The following CNTNAP2 variants were observed in gnomAD, a reference collection of about 807,000 sequenced individuals.
CNTNAP2 encodes the protein contactin-associated protein-like 2.
A neutral mutation model predicts 155.2 loss-of-function variants in CNTNAP2; 98 were observed. The observed-to-expected ratio is 0.63, with a 90% CI of 0.54 to 0.75. CNTNAP2 has a LOEUF of 0.75. CNTNAP2 is among the 30% of genes least tolerant of loss of function. The pLI is 0.00. For missense variants in CNTNAP2, 1,727 were observed against 1,688.1 expected (o/e 1.02, Z -0.40); for synonymous variants, 651 against 631.2 (o/e 1.03, Z -0.47).
intron 9 of CNTNAP2, among the ~76,000 whole-genome samples, chr7:147,318,968 G>A (rs987235214): frequency 2.6e-5 from 4 of 152,022 alleles, no homozygotes; most frequent in African/African-American, 7.2e-5. Flanking sequence ...ATAAGATAAA[G>A]GGAGGTGAAA....
intron 1 of CNTNAP2, among the ~76,000 whole-genome samples, chr7:146,204,406 A>G (rs1241773279): frequency 6.6e-6 from 1 of 152,118 alleles, no homozygotes; most frequent in Non-Finnish European, 1.5e-5. Flanking sequence ...TTTATTAGCT[A>G]TTCTCTGATA....
chr7:148,362,017 A>G (rs1798631250), intron 21 of CNTNAP2, among the ~76,000 whole-genome samples: 1 of 152,120 alleles, frequency 6.6e-6, no homozygotes, highest in Non-Finnish European at 1.5e-5. Context: ...AGACCAGCCT[A>G]GCCAATACAG....
intron 11 of CNTNAP2, among the ~76,000 whole-genome samples, chr7:147,530,395 G>C (rs886889426): frequency 6.6e-6 from 1 of 152,048 alleles, no homozygotes; most frequent in Non-Finnish European, 1.5e-5. Flanking sequence ...GGCCAGGCTG[G>C]TCTCGAACTT....
intron 9 of CNTNAP2, among the ~76,000 whole-genome samples, chr7:147,351,038 A>G (rs1795959320): frequency 6.6e-6 from 1 of 151,726 alleles, no homozygotes. Context: ...ACTTACTTAA[A>G]CCAATGCTTT....
At chr7:146,340,811 C>A (rs945305919) in intron 1 of CNTNAP2, among the ~76,000 whole-genome samples, 5 of 152,042 alleles carry the variant, frequency 3.3e-5, no homozygotes, top group African/African-American at 1.2e-4. Context: ...CAAATATTTG[C>A]TAAAATAAGA....
chr7:147,818,004 A>G lies in CNTNAP2; in HGVS notation c.2099-85561A>G, dbSNP rs1192020661. Among the ~76,000 whole-genome samples the G allele has an allele frequency of 3.3e-5, 5 of 151,986 alleles. No homozygotes were observed. The East Asian group carries it at 9.7e-4, about 29-fold the overall frequency. ...CTAAATGATGAGTTTATGGGGATTC[A>G]TTATATCATCTTTTCTGTATACAAT... On this transcript the variant is annotated intron_variant, in intron 13 of 23. Transcript: ENST00000361727.
chr7:147,770,257 A>G (rs1797449217), intron 13 of CNTNAP2, among the ~76,000 whole-genome samples: 1 of 152,230 alleles, frequency 6.6e-6, no homozygotes, highest in African/African-American at 2.4e-5. Context: ...TATAGTCTAC[A>G]CTACTATAGT....
At chr7:148,219,478 G>A (rs953880478) in intron 19 of CNTNAP2, among the ~76,000 whole-genome samples, 6 of 152,174 alleles carry the variant, frequency 3.9e-5, no homozygotes, top group Non-Finnish European at 8.8e-5. Context: ...AGGATTGCTT[G>A]AGACCAGTAG....
chr7:148,379,634 GC>G lies in CNTNAP2; in HGVS notation c.3476-4012del, dbSNP rs1401242699. The stretch of plus-strand genomic sequence containing the variant: ...AGGCTGAGGTGGGAGGATTGCTTGA[GC>G]CCGGGAGGTTGAGGCTGCAGTGAGC... On this transcript the variant is annotated intron_variant, in intron 21 of 23. Coordinates refer to ENST00000361727, the MANE Select transcript of CNTNAP2 (RefSeq NM_014141.6). 5.3e-5 allele frequency among the ~76,000 whole-genome samples: 8 copies of G among 152,204 alleles called. No homozygotes were observed. The East Asian group carries it at 1.5e-3, about 29-fold the overall frequency.
intron 21 of CNTNAP2, among the ~76,000 whole-genome samples, chr7:148,301,324 G>C (rs867021300): frequency 8.9e-6 from 1 of 112,380 alleles, no homozygotes; most frequent in Admixed American, 8.9e-5. Flanking sequence ...TATATATATA[G>C]GTTAAAATGT....
intron 1 of CNTNAP2, among the ~76,000 whole-genome samples, chr7:146,499,646 A>G (rs1000531718): frequency 1.3e-5 from 2 of 150,990 alleles, no homozygotes; most frequent in Admixed American, 6.6e-5. Flanking sequence ...CTGTGCCCAT[A>G]TATTATCATT....
At position 146,792,268 on chromosome 7, in the gene CNTNAP2, TA is replaced by T. The variant is rs397978357; in HGVS notation, c.208+17897del. Among the ~76,000 whole-genome samples, 404 of 148,712 alleles carry T rather than the reference TA, an allele frequency of 2.7e-3. 1 individual carries two copies. Among genetic ancestry groups the T allele is most frequent in the Non-Finnish European group, 2.4e-3 (161 of 66,634 alleles). On this transcript the variant is annotated intron_variant, in intron 2 of 23. Transcript: ENST00000361727. ...CTTATATCAAAAAAAAAGAAAAAGC[TA>T]AAAAAAAAACACTCTGCTACATGTA...
At chr7:146,419,904 T>C (rs1276101853) in intron 1 of CNTNAP2, among the ~76,000 whole-genome samples, 3 of 152,144 alleles carry the variant, frequency 2.0e-5, no homozygotes, top group African/African-American at 7.2e-5. Flanking sequence ...AACATTGTCA[T>C]GGTATTGTCA....
intron 1 of CNTNAP2, among the ~76,000 whole-genome samples, chr7:146,509,979 ACG>A (rs1294518071): frequency 1.6e-4 from 24 of 152,100 alleles, no homozygotes; most frequent in Admixed American, 1.2e-3. Flanking sequence ...TTGGGGCCAC[ACG>A]GCTGACCTAG....
At chr7:148,358,810 A>G (rs1585303940) in intron 21 of CNTNAP2, among the ~76,000 whole-genome samples, 1 of 152,384 alleles carries the variant, frequency 6.6e-6, no homozygotes, top group Admixed American at 6.5e-5. Flanking sequence ...CCTATTTCAC[A>G]GAGGAGCTAC....
At chr7:148,091,349 C>T (rs939189214) in intron 15 of CNTNAP2, among the ~76,000 whole-genome samples, 5 of 152,134 alleles carry the variant, frequency 3.3e-5, no homozygotes, top group Non-Finnish European at 7.4e-5. Context: ...TCATGTTGTA[C>T]ACCATACATA....
intron 15 of CNTNAP2, among the ~76,000 whole-genome samples, chr7:147,990,762 C>T (rs1801698514): frequency 6.6e-6 from 1 of 152,152 alleles, no homozygotes; most frequent in African/African-American, 2.4e-5. Context: ...TCTTCTGGTA[C>T]ACCAGTGTGC....
At chr7:147,742,206 G>A (rs981134950) in intron 13 of CNTNAP2, among the ~76,000 whole-genome samples, 1 of 152,174 alleles carries the variant, frequency 6.6e-6, no homozygotes, top group Non-Finnish European at 1.5e-5. Flanking sequence ...TAGGGACACA[G>A]CCAAACCATA....
rs374117452 is a variant in CNTNAP2, at chr7:146,501,079, G to C, written c.98-273192G>C. Among the ~76,000 whole-genome samples, 6 of 151,408 alleles carry C rather than the reference G, an allele frequency of 4.0e-5. No homozygotes were observed. The South Asian group carries it at 1.3e-3, about 32-fold the overall frequency. Reference sequence around the variant, plus strand: ...TACTTGATAAATCTTATTTGGTCCTGGTGTATAAATTTTTGTATATATTTT... The same window carrying C: ...TACTTGATAAATCTTATTTGGTCCTCGTGTATAAATTTTTGTATATATTTT... On this transcript the variant is annotated intron_variant, in intron 1 of 23. Transcript: ENST00000361727.
Sources: allele counts gnomAD v4.1 joint callset (sites outside exome capture counted in the v4.1 genomes callset), GRCh38; gene constraint gnomAD v4.1.1; transcripts MANE v1.5; gene names NCBI Gene and HGNC (gene_info 2026-07-23, HGNC 2026-07-21).